BLOC1S3: variants seen among roughly 807,000 people sequenced by gnomAD.
BLOC1S3 encodes biogenesis of lysosome-related organelles complex 1 subunit 3.
A neutral mutation model predicts 9.1 loss-of-function variants in BLOC1S3; 7 were observed. The ratio of observed to expected loss-of-function variants is 0.77; its 90% CI spans 0.44 to 1.45. The LOEUF (loss-of-function observed/expected upper bound fraction) is 1.45. Among genes scored for constraint, BLOC1S3 ranks in the 40% most tolerant of loss-of-function variants. The pLI is 0.01. For synonymous variants in BLOC1S3, 145 were observed against 158.4 expected, an observed-to-expected ratio of 0.92 and a Z score of 0.64; for missense variants, 307 against 315.2, an observed-to-expected ratio of 0.97 and a Z score of 0.20.
chr19:45,184,495 A>G (rs1312558674), downstream of BLOC1S3, among the ~76,000 whole-genome samples: 10 of 152,048 alleles, frequency 6.6e-5, no homozygotes, highest in Admixed American at 6.6e-4. Context: ...GGTCCCAGCT[A>G]CTCGTGAGGC....
chr19:45,179,993 A>G lies in BLOC1S3; in HGVS notation c.*88A>G. On this transcript the variant is annotated 3_prime_UTR_variant, in exon 2 of 2. Coordinates refer to ENST00000433642, the MANE Select transcript of BLOC1S3 (RefSeq NM_212550.5). The surrounding 1 kb of genome is among the most constrained non-coding windows in gnomAD (Gnocchi z 4.6). Reference sequence around the variant, plus strand: ...GACTCTGTCTCCTGTGTCTCTTATCACCCCCCACCCCCGCTCCCATCTTGG... The same window carrying G: ...GACTCTGTCTCCTGTGTCTCTTATCGCCCCCCACCCCCGCTCCCATCTTGG... The G allele has an allele frequency of 1.4e-6, 2 of 1,439,598 alleles. No homozygotes were observed. The highest frequency in any genetic ancestry group is 1.9e-6 in the Non-Finnish European group (2 of 1,061,996). The allele number at this position is 1,439,598 out of a possible 1,614,324, so 89.2% of individuals were successfully genotyped here. A position where few individuals can be genotyped will look rare whatever the true frequency, so the allele number is the denominator to read the frequency against.
rs1431339786 is a variant in BLOC1S3 at position 45,179,697 on chromosome 19, G to T, written c.401G>T (p.Arg134Leu). ...GCCGCCGTGAGCGGTGTCTACCGCC[G>T]TGCAGGCCGCGACGTGGCCGCCCTG... The part of the protein sequence containing the change: ...VAAAVSGVYR[R>L]AGRDVAALAS... The change falls in exon 2 of 2, where the codon CGT (arginine) becomes CTT (leucine). Residue 134 changes from arginine (R) to leucine (L), a missense_variant. Physicochemically the swap from Arg to Leu is moderately radical, Grantham distance 102. Coordinates refer to ENST00000433642, the MANE Select transcript of BLOC1S3 (RefSeq NM_212550.5). The surrounding 1 kb of genome is among the most constrained non-coding windows in gnomAD (Gnocchi z 4.6). 6.8e-7 allele frequency: 1 copy of T among 1,462,044 alleles called. No individual in the cohort carries two copies. 90.6% of individuals were successfully genotyped at this position (1,462,044 alleles called of 1,614,324 possible).
intron 2 of BLOC1S3, among the ~76,000 whole-genome samples, chr19:45,199,309 CTTTTTTTTTT>C (rs34967306): frequency 2.8e-5 from 2 of 72,474 alleles, no homozygotes; most frequent in Non-Finnish European, 2.5e-5. Context: ...GTGCCTTATT[CTTTTTTTTTT>C]TTTTTTTTTT....
chr19:45,187,135 G>T (rs766671265), upstream of BLOC1S3, among the ~76,000 whole-genome samples: 21 of 152,050 alleles, frequency 1.4e-4, no homozygotes, highest in Non-Finnish European at 2.5e-4. Context: ...AGAATTCCAG[G>T]ATAGGGACTG....
intron 2 of BLOC1S3, among the ~76,000 whole-genome samples, chr19:45,191,754 G>A (rs572238880): frequency 4.9e-4 from 74 of 152,352 alleles, no homozygotes; most frequent in African/African-American, 1.7e-3. Context: ...AGAGATTCTT[G>A]TCTTCTTCCT....
downstream of BLOC1S3, among the ~76,000 whole-genome samples, chr19:45,186,443 G>A (rs1456452119): frequency 6.6e-6 from 1 of 152,056 alleles, no homozygotes; most frequent in African/African-American, 2.4e-5. Flanking sequence ...ACCATGCCCA[G>A]CCTGTAATCC....
chr19:45,179,240 C>T lies in BLOC1S3; in HGVS notation c.-9-48C>T, dbSNP rs1462500623. ...GAATCCAGGACCTGCGCCTTTTACCCACCGCGGCGCCGGTCTCACGTGCAG... is the reference window on the plus strand; with the variant it reads ...GAATCCAGGACCTGCGCCTTTTACCTACCGCGGCGCCGGTCTCACGTGCAG... On this transcript the variant is annotated intron_variant, in intron 1 of 1. Transcript: ENST00000433642. This position sits in a 1 kb window ranked among gnomAD's most constrained non-coding sequence, Gnocchi z 4.6. 2 of 1,452,514 alleles carry T rather than the reference C, an allele frequency of 1.4e-6. No homozygotes were observed. The highest frequency in any genetic ancestry group is 1.9e-4 in the Middle Eastern group (1 of 5,298). The allele number at this position is 1,452,514 out of a possible 1,614,324, so 90.0% of individuals were successfully genotyped here.
rs201487385 is a variant in BLOC1S3, at chr19:45,215,174, C to A, written n.283-1502C>A. Among the ~76,000 whole-genome samples, 102 of 151,996 alleles carry A rather than the reference C, an allele frequency of 6.7e-4. 2 individuals are homozygous for A. The East Asian group carries it at 9.9e-3, about 15-fold the overall frequency. On this transcript the variant is annotated intron_variant and non_coding_transcript_variant, in intron 3 of 3. Transcript: ENST00000591569. ...AAACAAAACAAACAACAACAAAATA[C>A]CCCTTATAAAGTTGGCATGGGCTGG...
chr19:45,201,620 G>A (rs534338249), intron 2 of BLOC1S3, among the ~76,000 whole-genome samples: 3 of 152,228 alleles, frequency 2.0e-5, no homozygotes, highest in Admixed American at 6.5e-5. Flanking sequence ...GCCAGGGCCT[G>A]GAGACAGAAA....
intron 2 of BLOC1S3, among the ~76,000 whole-genome samples, chr19:45,198,086 G>A (rs534457047): frequency 2.0e-5 from 3 of 152,190 alleles, no homozygotes; most frequent in Admixed American, 1.3e-4. Context: ...ACAAGGTCCC[G>A]AACACTTGCA....
chr19:45,216,711 C>G (rs1044075779), exon 4 of BLOC1S3: 3 of 152,864 alleles, frequency 2.0e-5, no homozygotes, highest in African/African-American at 7.2e-5. Context: ...GAAACATCTC[C>G]AAACCTCTTC....
At chr19:45,204,975 C>A (rs983699164) in intron 3 of BLOC1S3, among the ~76,000 whole-genome samples, 2 of 151,906 alleles carry the variant, frequency 1.3e-5, no homozygotes, top group African/African-American at 2.4e-5. Flanking sequence ...CTCGCGTAAT[C>A]CCCCCACCTT....
At chr19:45,213,641 C>T (rs73034885) in intron 3 of BLOC1S3, among the ~76,000 whole-genome samples, 4,017 of 152,154 alleles carry the variant, frequency 0.026, 76 homozygotes, top group Middle Eastern at 0.051. Flanking sequence ...AGCCTCAGCT[C>T]GTGATTAAAA....
At chr19:45,206,591 G>A (rs1010593117) in intron 3 of BLOC1S3, among the ~76,000 whole-genome samples, 3 of 149,016 alleles carry the variant, frequency 2.0e-5, no homozygotes, top group African/African-American at 7.4e-5. Flanking sequence ...CAGTAGCTGA[G>A]ACTATAGGCG....
chr19:45,179,834 T>C lies in BLOC1S3; in HGVS notation c.538T>C (p.Cys180Arg). Residue 180 changes from cysteine (C) to arginine (R), a missense_variant, in exon 2 of 2, where the codon TGC (cysteine) becomes CGC (arginine). Physicochemically the swap from Cys to Arg is radical, Grantham distance 180 (BLOSUM62 -3). Coordinates refer to ENST00000433642, the MANE Select transcript of BLOC1S3 (RefSeq NM_212550.5). This position sits in a 1 kb window ranked among gnomAD's most constrained non-coding sequence, Gnocchi z 4.6. ...LAERLDIVAG[C>R]RLLPDIRGVP... is the part of the protein sequence containing the mutation. ...CGAGCGTCTGGACATCGTGGCTGGC[T>C]GCCGCCTGCTGCCGGACATCCGCGG... is the stretch of plus-strand genomic sequence containing the variant. 6.2e-7 allele frequency: 1 copy of C among 1,608,434 alleles called. No individual in the cohort carries two copies. Among genetic ancestry groups the C allele is most frequent in the Non-Finnish European group, 8.5e-7 (1 of 1,178,466 alleles).
chr19:45,210,917 C>G lies in BLOC1S3; in HGVS notation n.283-5759C>G, dbSNP rs373932773. Among the ~76,000 whole-genome samples the G allele has an allele frequency of 5.3e-5, 8 of 151,336 alleles. No homozygotes were observed. The East Asian group carries it at 9.9e-4, about 19-fold the overall frequency. ...AGGCAGGAGGATGGCTTGAGGCCAA[C>G]CTGGTCAACATAGTGAGACTCTGTC... On this transcript the variant is annotated intron_variant and non_coding_transcript_variant, in intron 3 of 3. Transcript: ENST00000591569.
downstream of BLOC1S3, among the ~76,000 whole-genome samples, chr19:45,183,045 A>G (rs1893686423): frequency 6.6e-6 from 1 of 152,168 alleles, no homozygotes; most frequent in Non-Finnish European, 1.5e-5. Flanking sequence ...CTGAGGCAGA[A>G]GGGAAAGGGA....
chr19:45,191,225 C>T lies in BLOC1S3; in HGVS notation n.180+3485C>T, dbSNP rs1046731294. 7.9e-5 allele frequency among the ~76,000 whole-genome samples: 12 copies of T among 152,136 alleles called. No individual in the cohort carries two copies. The East Asian group carries it at 1.4e-3, about 17-fold the overall frequency. On this transcript the variant is annotated intron_variant and non_coding_transcript_variant, in intron 2 of 3. Transcript: ENST00000591569. ...ACAACCTCCGCCTCCCTGGTTGAAGCGATTCTCATGCCTCAGCCTCCCGAG... is the reference window on the plus strand; with the variant it reads ...ACAACCTCCGCCTCCCTGGTTGAAGTGATTCTCATGCCTCAGCCTCCCGAG...
chr19:45,191,269 T>C (rs969658997), intron 2 of BLOC1S3, among the ~76,000 whole-genome samples: 7 of 151,838 alleles, frequency 4.6e-5, no homozygotes, highest in African/African-American at 4.8e-5. Flanking sequence ...ATTACAGGCA[T>C]GCACCACCAC....
Sources: allele counts gnomAD v4.1 joint callset (sites outside exome capture counted in the v4.1 genomes callset), GRCh38; gene constraint gnomAD v4.1.1; non-coding constraint Gnocchi (gnomAD v3.1); transcripts MANE v1.5; gene names NCBI Gene and HGNC (gene_info 2026-07-23, HGNC 2026-07-21).